Variants in ATXN1 observed in about 807,000 individuals in gnomAD.
The protein encoded by ATXN1 is ataxin-1.
In ATXN1, 8 loss-of-function variants were observed where a neutral mutation model predicts 56.4. The ratio of observed to expected loss-of-function variants is 0.14; its 90% CI spans 0.08 to 0.26. ATXN1 has a LOEUF of 0.26. ATXN1 is among the 10% of genes least tolerant of loss of function. The pLI is 1.00. For missense variants in ATXN1, 987 were observed against 1,106.5 expected (o/e 0.89, Z 1.53); for synonymous variants, 514 against 494.6 (o/e 1.04, Z -0.52).
At chr6:16,442,120 T>C (rs1486793950) in intron 6 of ATXN1, among the ~76,000 whole-genome samples, 1 of 152,082 alleles carries the variant, frequency 6.6e-6, no homozygotes, top group African/African-American at 2.4e-5. Context: ...GGACAGAAAA[T>C]TAGAGTGTCA....
At chr6:16,528,130 G>A (rs1308766304) in intron 4 of ATXN1, among the ~76,000 whole-genome samples, 2 of 151,652 alleles carry the variant, frequency 1.3e-5, no homozygotes, top group African/African-American at 2.4e-5. Flanking sequence ...GCAAAACCCC[G>A]TCTCTACTAA....
At chr6:16,473,452 A>C (rs1466696862) in intron 6 of ATXN1, among the ~76,000 whole-genome samples, 1 of 152,222 alleles carries the variant, frequency 6.6e-6, no homozygotes, top group Non-Finnish European at 1.5e-5. Flanking sequence ...ATGGGTAAGC[A>C]TGGTCCTATC....
At position 16,760,151 on chromosome 6, in the gene ATXN1, C is replaced by G. The variant is rs1403118477; in HGVS notation, c.-730+1147G>C. On this transcript the variant is annotated intron_variant, in intron 1 of 7. Transcript: ENST00000436367. The surrounding 1 kb of genome is among the most constrained non-coding windows in gnomAD (Gnocchi z 5.3). Reference sequence around the variant, plus strand: ...ACGTAGGAGGAGGCGGCGGCGCCCCCGGGAGTGGCAGAGTCTCCGGCCCGG... The same window carrying G: ...ACGTAGGAGGAGGCGGCGGCGCCCCGGGGAGTGGCAGAGTCTCCGGCCCGG... Among the ~76,000 whole-genome samples the G allele has an allele frequency of 2.0e-5, 3 of 151,968 alleles. 1 individual carries two copies. The highest frequency in any genetic ancestry group is 2.0e-4 in the Admixed American group (3 of 15,266).
At chr6:16,697,791 G>A (rs3812204) in intron 2 of ATXN1, among the ~76,000 whole-genome samples, 62,610 of 151,952 alleles carry the variant, frequency 0.41, 13,654 homozygotes, top group East Asian at 0.61. Context: ...ATTAAACAGC[G>A]TTACATAAGT....
chr6:16,572,914 G>A (rs773867841), intron 4 of ATXN1, among the ~76,000 whole-genome samples: 1 of 152,176 alleles, frequency 6.6e-6, no homozygotes, highest in East Asian at 1.9e-4. Flanking sequence ...GGCATGAATG[G>A]CCTTTTCCTA....
intron 6 of ATXN1, among the ~76,000 whole-genome samples, chr6:16,390,581 C>G (rs967785287): frequency 1.3e-5 from 2 of 152,082 alleles, no homozygotes; most frequent in East Asian, 3.8e-4. Flanking sequence ...TTTGGCTTAT[C>G]TATCTCTAGC....
At chr6:16,676,758 G>A (rs1023306519) in intron 2 of ATXN1, among the ~76,000 whole-genome samples, 2 of 152,130 alleles carry the variant, frequency 1.3e-5, no homozygotes, top group African/African-American at 4.8e-5. Context: ...AATAATTTTA[G>A]TATGATTCCT....
intron 5 of ATXN1, among the ~76,000 whole-genome samples, chr6:16,487,241 A>G (rs1158734715): frequency 6.6e-6 from 1 of 151,514 alleles, no homozygotes; most frequent in Non-Finnish European, 1.5e-5. Flanking sequence ...GACAAAGGCC[A>G]GTCATGTTTT....
intron 6 of ATXN1, among the ~76,000 whole-genome samples, chr6:16,381,802 A>G (rs1200409426): frequency 1.3e-5 from 2 of 152,158 alleles, no homozygotes; most frequent in African/African-American, 4.8e-5. Context: ...ACTATTTCTC[A>G]GGTATCTACG....
At chr6:16,492,427 T>C (rs1464670487) in intron 5 of ATXN1, among the ~76,000 whole-genome samples, 1 of 150,656 alleles carries the variant, frequency 6.6e-6, no homozygotes, top group Non-Finnish European at 1.5e-5. Context: ...AGTATAATAA[T>C]AATAACATAA....
chr6:16,711,608 A>C (rs1190205351), intron 2 of ATXN1, among the ~76,000 whole-genome samples: 1 of 150,672 alleles, frequency 6.6e-6, no homozygotes, highest in Admixed American at 6.6e-5. Context: ...AACCATCTAT[A>C]TCTATATAGA....
rs1451530512 is a variant in ATXN1 at position 16,506,318 on chromosome 6, A to G, written c.-299+16309T>C. On this transcript the variant is annotated intron_variant, in intron 5 of 7. Coordinates refer to ENST00000436367, the MANE Select transcript of ATXN1 (RefSeq NM_001128164.2). This position sits in a 1 kb window ranked among gnomAD's most constrained non-coding sequence, Gnocchi z 4.1. ...ATGAGTCAAATGAAGAAAGTGGTTT[A>G]AGGGAAATGGTCATTTTCTAATGAT... is the stretch of plus-strand genomic sequence containing the variant. 6.6e-6 allele frequency among the ~76,000 whole-genome samples: 1 copy of G among 152,172 alleles called. No individual in the cohort carries two copies. Among genetic ancestry groups the G allele is most frequent in the Admixed American group, 6.5e-5 (1 of 15,270 alleles).
intron 6 of ATXN1, among the ~76,000 whole-genome samples, chr6:16,460,976 T>C (rs918742655): frequency 3.3e-5 from 5 of 152,250 alleles, no homozygotes; most frequent in Admixed American, 2.6e-4. Flanking sequence ...TCCTAACCTC[T>C]GGGGGAACCC....
At chr6:16,411,020 G>C (rs1204510361) in intron 6 of ATXN1, among the ~76,000 whole-genome samples, 2 of 151,698 alleles carry the variant, frequency 1.3e-5, no homozygotes, top group Non-Finnish European at 2.9e-5. Context: ...AGCTACTTGG[G>C]AGGCTGAGGC....
At chr6:16,426,928 A>C (rs750869952) in intron 6 of ATXN1, among the ~76,000 whole-genome samples, 1 of 151,926 alleles carries the variant, frequency 6.6e-6, no homozygotes, top group Non-Finnish European at 1.5e-5. Context: ...GTGGCCAGAA[A>C]ATAATCTGCC....
At chr6:16,676,315 T>C (rs1289723124) in intron 2 of ATXN1, among the ~76,000 whole-genome samples, 3 of 152,210 alleles carry the variant, frequency 2.0e-5, no homozygotes, top group Non-Finnish European at 4.4e-5. Flanking sequence ...TTTAATAACC[T>C]CTAACTTTTT....
chr6:16,360,973 T>TAG (rs1325640632), intron 6 of ATXN1, among the ~76,000 whole-genome samples: 1 of 152,188 alleles, frequency 6.6e-6, no homozygotes, highest in African/African-American at 2.4e-5. Flanking sequence ...AGTCTTTACT[T>TAG]ATTCTAAGTA....
chr6:16,531,559 G>C (rs1761503992), intron 4 of ATXN1, among the ~76,000 whole-genome samples: 1 of 151,348 alleles, frequency 6.6e-6, no homozygotes, highest in South Asian at 2.1e-4. Flanking sequence ...GGATGTGGAG[G>C]TTGCAGTGAG....
At chr6:16,389,194 G>A (rs560100548) in intron 6 of ATXN1, among the ~76,000 whole-genome samples, 30 of 152,012 alleles carry the variant, frequency 2.0e-4, no homozygotes, top group Non-Finnish European at 4.0e-4. Flanking sequence ...AAAATTAGCC[G>A]GGCGTGGTGG....
Sources: allele counts gnomAD v4.1 joint callset (sites outside exome capture counted in the v4.1 genomes callset), GRCh38; gene constraint gnomAD v4.1.1; non-coding constraint Gnocchi (gnomAD v3.1); transcripts MANE v1.5; gene names NCBI Gene and HGNC (gene_info 2026-07-23, HGNC 2026-07-21).